ZNF676: variants seen among roughly 807,000 people sequenced by gnomAD.
The protein encoded by ZNF676 is zinc finger protein 676.
In ZNF676, 4 loss-of-function variants were observed where a neutral mutation model predicts 6.0. That is an observed-to-expected ratio of 0.67 (90% confidence interval 0.33 to 1.53). ZNF676 has a LOEUF of 1.53. ZNF676 is among the 40% of genes most tolerant of loss of function. ZNF676 has a pLI of 0.06. For synonymous variants in ZNF676, 198 were observed against 223.1 expected, an observed-to-expected ratio of 0.89 and a Z score of 1.00; for missense variants, 644 against 679.7, an observed-to-expected ratio of 0.95 and a Z score of 0.58.
chr19:22,242,343 A>C, the ZNF676 span, among the ~76,000 whole-genome samples: 1 of 151,930 alleles, frequency 6.6e-6, no homozygotes, highest in African/African-American at 2.4e-5. Context: ...TCTGTGGGCA[A>C]GGTGCAGGCA....
At chr19:22,258,630 T>C in the ZNF676 span, among the ~76,000 whole-genome samples, 4 of 152,250 alleles carry the variant, frequency 2.6e-5, no homozygotes, top group African/African-American at 9.6e-5. Flanking sequence ...TTACATCACC[T>C]GGGTGTTACA....
chr19:22,246,864 CA>C, the ZNF676 span, among the ~76,000 whole-genome samples: 1 of 152,242 alleles, frequency 6.6e-6, no homozygotes, highest in Admixed American at 6.5e-5. Context: ...CTCCTATGGT[CA>C]AAGCCAATTT....
the ZNF676 span, among the ~76,000 whole-genome samples, chr19:22,242,809 A>T: frequency 6.7e-6 from 1 of 148,698 alleles, no homozygotes; most frequent in East Asian, 2.1e-4. Flanking sequence ...TAACCTAGAA[A>T]CTAGGCTAGA....
chr19:22,249,248 AT>A, the ZNF676 span, among the ~76,000 whole-genome samples: 1 of 152,080 alleles, frequency 6.6e-6, no homozygotes, highest in Non-Finnish European at 1.5e-5. Context: ...AAAAATGTTA[AT>A]TTTTTTGGCC....
the ZNF676 span, among the ~76,000 whole-genome samples, chr19:22,233,282 T>G: frequency 6.6e-6 from 1 of 152,208 alleles, no homozygotes. Flanking sequence ...CCGCTGGGAT[T>G]ACAGGTGTGA....
the ZNF676 span, among the ~76,000 whole-genome samples, chr19:22,253,560 T>A: frequency 6.6e-6 from 1 of 151,006 alleles, no homozygotes; most frequent in Non-Finnish European, 1.5e-5. Context: ...ACTTTGTGCA[T>A]CTACAGACTC....
At position 22,179,823 on chromosome 19, in the gene ZNF676, A is replaced by G. The variant is rs2023703033; in HGVS notation, c.*127T>C. Reference sequence around the variant, plus strand: ...CAGCATGAATTTTCTTATGTGTAATAAAGATTGAGGACTGTTTAAAAGCTT... The same window carrying G: ...CAGCATGAATTTTCTTATGTGTAATGAAGATTGAGGACTGTTTAAAAGCTT... On this transcript the variant is annotated 3_prime_UTR_variant, in exon 3 of 3. Transcript: ENST00000397121. The G allele has an allele frequency of 2.7e-6, 3 of 1,107,466 alleles. No homozygotes were observed. The highest frequency in any genetic ancestry group is 4.0e-6 in the Non-Finnish European group (3 of 741,690). 68.6% of individuals were successfully genotyped at this position (1,107,466 alleles called of 1,614,324 possible).
chr19:22,255,325 G>A, the ZNF676 span, among the ~76,000 whole-genome samples: 1 of 152,128 alleles, frequency 6.6e-6, no homozygotes, highest in Non-Finnish European at 1.5e-5. Flanking sequence ...GTGCGCACAG[G>A]AGTGTCATAA....
chr19:22,181,574 T>G lies in ZNF676; in HGVS notation c.143A>C (p.His48Pro), dbSNP rs181432408. ...MVEEPPVICS[H>P]FSQEFWPEQG... ...CTCTGGCCAAAACTCTTGGGAAAAA[T>G]GAGAACATATAACTGAAAAGAAATA... Residue 48 changes from histidine to proline, a missense_variant, in exon 3 of 3, where the codon CAT (histidine) becomes CCT (proline). Physicochemically the swap from His to Pro is moderately conservative, Grantham distance 77. Coordinates refer to ENST00000397121, the MANE Select transcript of ZNF676 (RefSeq NM_001001411.3). 6.8e-5 allele frequency: 107 copies of G among 1,565,558 alleles called. 1 individual carries two copies. The East Asian group carries it at 2.4e-3, about 35-fold the overall frequency.
chr19:22,243,520 A>T, the ZNF676 span: 2 of 152,048 alleles, frequency 1.3e-5, no homozygotes, highest in Non-Finnish European at 2.9e-5. Context: ...AGAGAGTTAC[A>T]TCACCCAGGT....
At chr19:22,222,154 G>A in the ZNF676 span, among the ~76,000 whole-genome samples, 6 of 152,088 alleles carry the variant, frequency 3.9e-5, no homozygotes, top group African/African-American at 9.7e-5. Context: ...GCCCAAGCTG[G>A]AGTGCAGTGG....
At chr19:22,248,353 G>C in the ZNF676 span, among the ~76,000 whole-genome samples, 1 of 152,190 alleles carries the variant, frequency 6.6e-6, no homozygotes, top group Non-Finnish European at 1.5e-5. Context: ...CTAGTTTACA[G>C]TCCCACCAAC....
chr19:22,237,506 A>C, the ZNF676 span, among the ~76,000 whole-genome samples: 43 of 152,246 alleles, frequency 2.8e-4, no homozygotes, highest in African/African-American at 8.7e-4. Flanking sequence ...ACACTCTCAA[A>C]CTCACCTCTA....
chr19:22,195,846 TACAAA>T (rs947516588), intron 1 of ZNF676, among the ~76,000 whole-genome samples: 1 of 152,210 alleles, frequency 6.6e-6, no homozygotes, highest in African/African-American at 2.4e-5. Context: ...ACTGGTGAAT[TACAAA>T]ACAAAATTCT....
At position 22,186,078 on chromosome 19, in the gene ZNF676, G is replaced by A. The variant is rs115702384; in HGVS notation, c.131-4492C>T. ...AATAGCAACCCCAAGAGAGAGAATC[G>A]TCAGATTCACCAAGGTTGAAATGAA... On this transcript the variant is annotated intron_variant, in intron 2 of 2. Transcript: ENST00000397121. Among the ~76,000 whole-genome samples the A allele has an allele frequency of 4.1e-3, 629 of 152,186 alleles. 4 individuals are homozygous for A. Among genetic ancestry groups the A allele is most frequent in the African/African-American group, 0.014 (595 of 41,516 alleles).
At chr19:22,199,712 T>C (rs1025754822), upstream of ZNF676, among the ~76,000 whole-genome samples, 1 of 152,222 alleles carries the variant, frequency 6.6e-6, no homozygotes, top group African/African-American at 2.4e-5. Flanking sequence ...TAAATTTTTA[T>C]TGTGTTTATA....
At chr19:22,256,094 A>G in the ZNF676 span, among the ~76,000 whole-genome samples, 2 of 152,294 alleles carry the variant, frequency 1.3e-5, no homozygotes, top group African/African-American at 4.8e-5. Flanking sequence ...GCTTTATACC[A>G]TAGGTGAGAG....
the ZNF676 span, among the ~76,000 whole-genome samples, chr19:22,242,408 G>A: frequency 2.0e-5 from 3 of 151,908 alleles, no homozygotes; most frequent in African/African-American, 7.3e-5. Flanking sequence ...TTTTCCCTGT[G>A]GGCAAAGTGG....
intron 2 of ZNF676, among the ~76,000 whole-genome samples, chr19:22,185,206 T>C (rs1005340014): frequency 6.6e-5 from 10 of 152,174 alleles, no homozygotes; most frequent in African/African-American, 2.2e-4. Context: ...CAGCCTCTGC[T>C]GGTGATACCC....
Sources: gnomAD v4.1 joint callset for allele counts (sites outside exome capture counted in the v4.1 genomes callset) on GRCh38, gnomAD v4.1.1 for gene constraint, MANE v1.5 for transcripts, NCBI Gene and HGNC (gene_info 2026-07-23, HGNC 2026-07-21) for gene names.